SH3RF3: variants seen among roughly 807,000 people sequenced by gnomAD.
The protein encoded by SH3RF3 is SH3 domain containing ring finger 3.
Under a neutral mutation model 66.3 loss-of-function variants are expected in SH3RF3, and 29 were observed. That is an observed-to-expected ratio of 0.44 (90% CI 0.33 to 0.60). SH3RF3 has a LOEUF of 0.60. Among genes scored for constraint, SH3RF3 ranks in the 20% least tolerant of loss-of-function variants. The probability of loss-of-function intolerance (pLI) is 0.04; values close to 1 mark genes in which losing one functional copy is unlikely to be tolerated. For synonymous variants in SH3RF3, 583 were observed against 532.0 expected, an observed-to-expected ratio of 1.10 and a Z score of -1.32; for missense variants, 1,194 against 1,190.9, an observed-to-expected ratio of 1.00 and a Z score of -0.04.
At chr2:109,228,206 C>A (rs547180667) in intron 1 of SH3RF3, among the ~76,000 whole-genome samples, 1 of 152,254 alleles carries the variant, frequency 6.6e-6, no homozygotes, top group South Asian at 2.1e-4. Flanking sequence ...GAAATTCAAT[C>A]GGCAGCCCTC....
intron 8 of SH3RF3, among the ~76,000 whole-genome samples, chr2:109,450,191 C>CA (rs1677827587): frequency 6.6e-6 from 1 of 151,776 alleles, no homozygotes; most frequent in Non-Finnish European, 1.5e-5. Flanking sequence ...ACTAAAAATA[C>CA]AAAAATTAGC....
At chr2:109,214,787 G>A (rs963576777) in intron 1 of SH3RF3, among the ~76,000 whole-genome samples, 5 of 152,178 alleles carry the variant, frequency 3.3e-5, no homozygotes, top group Non-Finnish European at 2.9e-5. Flanking sequence ...CTGGACTTGC[G>A]TCCTCACCCC....
chr2:109,375,377 A>G (rs376403249), intron 3 of SH3RF3, among the ~76,000 whole-genome samples: 2 of 152,330 alleles, frequency 1.3e-5, no homozygotes, highest in South Asian at 2.1e-4. Context: ...TGTTCATCAG[A>G]TGCCAGCTGG....
At chr2:109,416,904 CAA>C (rs59855463) in intron 4 of SH3RF3, among the ~76,000 whole-genome samples, 733 of 64,358 alleles carry the variant, frequency 0.011, 5 homozygotes, top group Admixed American at 0.02. Flanking sequence ...GACTTCATCT[CAA>C]AAAAAAAAAA....
intron 1 of SH3RF3, among the ~76,000 whole-genome samples, chr2:109,298,962 G>A (rs114205503): frequency 1.2e-4 from 19 of 152,318 alleles, no homozygotes; most frequent in South Asian, 4.1e-4. Context: ...AAGCCAGGCC[G>A]TATGACACGG....
chr2:109,198,833 C>T (rs183926288), intron 1 of SH3RF3, among the ~76,000 whole-genome samples: 10 of 152,324 alleles, frequency 6.6e-5, no homozygotes, highest in South Asian at 2.1e-4. Context: ...CTGTGTTCCC[C>T]GGCTGCAGAC....
chr2:109,140,400 A>G (rs1202551754), intron 1 of SH3RF3, among the ~76,000 whole-genome samples: 1 of 150,638 alleles, frequency 6.6e-6, no homozygotes, highest in Admixed American at 6.6e-5. Flanking sequence ...TTTTTTTTAG[A>G]GACGGAGTCT....
chr2:109,301,516 A>G (rs935528768), intron 1 of SH3RF3, among the ~76,000 whole-genome samples: 4 of 152,140 alleles, frequency 2.6e-5, no homozygotes, highest in African/African-American at 9.7e-5. Flanking sequence ...GTGACAGCAC[A>G]GGGCATGCCA....
chr2:109,436,306 C>T (rs183616732), intron 6 of SH3RF3, among the ~76,000 whole-genome samples: 1 of 152,206 alleles, frequency 6.6e-6, no homozygotes, highest in African/African-American at 2.4e-5. Flanking sequence ...CGTGAAAAGC[C>T]CCATTTCCAG....
At chr2:109,290,147 C>T (rs1203017637) in intron 1 of SH3RF3, among the ~76,000 whole-genome samples, 4 of 152,192 alleles carry the variant, frequency 2.6e-5, no homozygotes, top group African/African-American at 9.7e-5. Context: ...ACCAAAGTTG[C>T]ATGGTCCTGG....
intron 8 of SH3RF3, among the ~76,000 whole-genome samples, chr2:109,480,065 G>GGACCC (rs1402004353): frequency 6.6e-6 from 1 of 152,202 alleles, no homozygotes; most frequent in Non-Finnish European, 1.5e-5. Context: ...CTAGAGGAAA[G>GGACCC]GACCCCATCC....
chr2:109,496,534 G>C (rs1421905278), intron 9 of SH3RF3, among the ~76,000 whole-genome samples: 1 of 152,224 alleles, frequency 6.6e-6, no homozygotes, highest in East Asian at 1.9e-4. Flanking sequence ...TAGTAAGTCA[G>C]TGAGGGTGAG....
chr2:109,217,707 G>A (rs1679132567), intron 1 of SH3RF3, among the ~76,000 whole-genome samples: 1 of 152,200 alleles, frequency 6.6e-6, no homozygotes, highest in Admixed American at 6.5e-5. Context: ...ACCTTTTTGG[G>A]GGAGGGTGGG....
intron 1 of SH3RF3, among the ~76,000 whole-genome samples, chr2:109,308,156 C>T (rs904033607): frequency 8.5e-5 from 12 of 141,236 alleles, no homozygotes; most frequent in Non-Finnish European, 1.8e-4. Context: ...TTTTGATTTG[C>T]ATTTCCCTGA....
Position 109,392,783 on chromosome 2 carries a change from GA to G in SH3RF3, c.946-5806del, listed in dbSNP as rs1676038477. 1.1e-4 allele frequency among the ~76,000 whole-genome samples: 17 copies of G among 152,244 alleles called. No homozygotes were observed. The South Asian group carries it at 3.3e-3, about 30-fold the overall frequency. Reference sequence around the variant, plus strand: ...GCCCACCTCAGCCTCCCAAAGTGCTGAGATTACAGGCGTCAGCCACCACGCA... The same window carrying G: ...GCCCACCTCAGCCTCCCAAAGTGCTGGATTACAGGCGTCAGCCACCACGCA... On this transcript the variant is annotated intron_variant, in intron 3 of 9. Coordinates refer to ENST00000309415, the MANE Select transcript of SH3RF3 (RefSeq NM_001099289.3).
Position 109,181,392 on chromosome 2 carries a change from C to T in SH3RF3, c.573+51279C>T, listed in dbSNP as rs78861709. 5.3e-5 allele frequency among the ~76,000 whole-genome samples: 8 copies of T among 152,306 alleles called. No homozygotes were observed. In the South Asian group the frequency reaches 1.0e-3, roughly 20 times the overall value. On this transcript the variant is annotated intron_variant, in intron 1 of 9. Transcript: ENST00000309415. ...AGGGTTTCAGCAGTCTTGCCACTCA[C>T]GTCTTTTTTCTGTTCCAGGATCCAG...
At chr2:109,414,069 A>G (rs1446649337) in intron 4 of SH3RF3, among the ~76,000 whole-genome samples, 7 of 152,132 alleles carry the variant, frequency 4.6e-5, no homozygotes, top group Non-Finnish European at 1.5e-5. Flanking sequence ...CCCCTGGGCT[A>G]TGGGTCTCCT....
chr2:109,221,849 T>C (rs950802343), intron 1 of SH3RF3, among the ~76,000 whole-genome samples: 4 of 152,150 alleles, frequency 2.6e-5, no homozygotes, highest in African/African-American at 9.7e-5. Flanking sequence ...ACAATCCCAC[T>C]GCTGGGTATT....
At chr2:109,379,857 A>G (rs189476582) in intron 3 of SH3RF3, among the ~76,000 whole-genome samples, 13 of 152,290 alleles carry the variant, frequency 8.5e-5, no homozygotes, top group Middle Eastern at 3.4e-3. Flanking sequence ...GAAGCACCCA[A>G]TGGCGTGTCT....
Sources: gnomAD v4.1 joint callset for allele counts (sites outside exome capture counted in the v4.1 genomes callset) on GRCh38, gnomAD v4.1.1 for gene constraint, MANE v1.5 for transcripts, NCBI Gene and HGNC (gene_info 2026-07-23, HGNC 2026-07-21) for gene names.